KHDRBS2: variants seen among roughly 807,000 people sequenced by gnomAD.
KHDRBS2 encodes the protein KH domain-containing, RNA-binding, signal transduction-associated protein 2.
KHDRBS2 carries 26 observed loss-of-function variants against 44.3 expected under a neutral mutation model. The observed-to-expected ratio is 0.59, with a 90% CI of 0.43 to 0.81. The LOEUF (loss-of-function observed/expected upper bound fraction) is 0.81. Ranked by LOEUF, KHDRBS2 falls within the 40% of genes least tolerant of loss-of-function variation. The pLI is 0.00. For synonymous variants in KHDRBS2, 194 were observed against 151.1 expected (o/e 1.28, Z -2.08); for missense variants, 476 against 433.1 (o/e 1.10, Z -0.88).
At chr6:61,931,635 T>TAAA (rs1810071604) in intron 4 of KHDRBS2, among the ~76,000 whole-genome samples, 3 of 152,216 alleles carry the variant, frequency 2.0e-5, no homozygotes, top group Admixed American at 2.0e-4. Flanking sequence ...AGCCAATTTT[T>TAAA]AAAAATTGAC....
chr6:61,975,804 T>C (rs1321769138), intron 4 of KHDRBS2, among the ~76,000 whole-genome samples: 2 of 152,176 alleles, frequency 1.3e-5, no homozygotes, highest in Non-Finnish European at 2.9e-5. Context: ...ACGTTCAAAA[T>C]ATAGTAAGAC....
intron 4 of KHDRBS2, among the ~76,000 whole-genome samples, chr6:61,914,897 G>C (rs1806713531): frequency 6.6e-6 from 1 of 152,136 alleles, no homozygotes; most frequent in Non-Finnish European, 1.5e-5. Flanking sequence ...TTGAGAACTT[G>C]TCAGTTAAGA....
intron 3 of KHDRBS2, among the ~76,000 whole-genome samples, chr6:62,041,869 G>C (rs1786609675): frequency 6.6e-6 from 1 of 151,972 alleles, no homozygotes; most frequent in Non-Finnish European, 1.5e-5. Flanking sequence ...CTTGAGCCCA[G>C]ATAACTTTAT....
At chr6:62,216,339 A>G (rs1390856710) in intron 1 of KHDRBS2, among the ~76,000 whole-genome samples, 1 of 151,830 alleles carries the variant, frequency 6.6e-6, no homozygotes, top group Non-Finnish European at 1.5e-5. Context: ...ACACTTTTGC[A>G]TAAAACTAAT....
chr6:61,683,553 C>G (rs1434328885), intron 8 of KHDRBS2, among the ~76,000 whole-genome samples: 1 of 151,736 alleles, frequency 6.6e-6, no homozygotes, highest in African/African-American at 2.4e-5. Flanking sequence ...AAAACAGAAA[C>G]AGTTGAGCTA....
chr6:62,120,663 C>A (rs1807403776), intron 2 of KHDRBS2, among the ~76,000 whole-genome samples: 1 of 152,150 alleles, frequency 6.6e-6, no homozygotes. Context: ...AGGAAGCCTA[C>A]TGCATTCTTA....
chr6:61,740,189 A>T (rs1162362068), intron 6 of KHDRBS2, among the ~76,000 whole-genome samples: 1 of 151,930 alleles, frequency 6.6e-6, no homozygotes. Flanking sequence ...GTTGTTTGAG[A>T]TTGGTATTTC....
the KHDRBS2 span, chr6:61,574,537 C>T: frequency 1.8e-6 from 1 of 555,274 alleles, no homozygotes; most frequent in Non-Finnish European, 3.1e-6. Context: ...AACCCAACCT[C>T]CGAGCAACAT....
At chr6:61,943,039 GAA>G (rs1812465276) in intron 4 of KHDRBS2, among the ~76,000 whole-genome samples, 1 of 140,622 alleles carries the variant, frequency 7.1e-6, no homozygotes, top group South Asian at 2.2e-4. Flanking sequence ...AGGAAGGAAA[GAA>G]GGAAGGGAGG....
the KHDRBS2 span, among the ~76,000 whole-genome samples, chr6:61,552,670 C>A: frequency 5.9e-5 from 9 of 152,212 alleles, no homozygotes; most frequent in African/African-American, 2.2e-4. Context: ...GAGGCAGATT[C>A]CTCCAATGCC....
At chr6:62,035,449 T>C (rs1785110011) in intron 3 of KHDRBS2, among the ~76,000 whole-genome samples, 1 of 151,894 alleles carries the variant, frequency 6.6e-6, no homozygotes. Context: ...TGAAAACAAC[T>C]GAACTCATGG....
In KHDRBS2 at chr6:61,978,090, T is replaced by C; in HGVS notation, c.459A>G (p.Glu153=). ...EAYSRMSHAL[E]EIKKFLVPDY... Reference sequence around the variant, plus strand: ...CAGGAACCAGGAATTTTTTAATCTCTTCCAATGCATGACTCATACGTGAAT... The same window carrying C: ...CAGGAACCAGGAATTTTTTAATCTCCTCCAATGCATGACTCATACGTGAAT... The change falls in exon 4 of 9, where the codon GAA becomes GAG. Residue 153 remains glutamate, a synonymous_variant. Transcript: ENST00000281156. 6.2e-7 allele frequency: 1 copy of C among 1,603,690 alleles called. No individual in the cohort carries two copies. The highest frequency in any genetic ancestry group is 8.5e-7 in the Non-Finnish European group (1 of 1,175,636).
At chr6:62,192,311 T>C (rs1012190229) in intron 1 of KHDRBS2, among the ~76,000 whole-genome samples, 5 of 152,104 alleles carry the variant, frequency 3.3e-5, no homozygotes, top group African/African-American at 4.8e-5. Context: ...ATATGTCCTA[T>C]GTGTGTGTAA....
At chr6:62,191,780 G>A (rs560181481) in intron 1 of KHDRBS2, among the ~76,000 whole-genome samples, 1 of 151,878 alleles carries the variant, frequency 6.6e-6, no homozygotes, top group South Asian at 2.1e-4. Context: ...CACAAAACAT[G>A]GTACTAAACT....
At chr6:62,000,036 T>C (rs1158542166) in intron 3 of KHDRBS2, among the ~76,000 whole-genome samples, 1 of 152,162 alleles carries the variant, frequency 6.6e-6, no homozygotes, top group African/African-American at 2.4e-5. Flanking sequence ...TCTGTTATCA[T>C]ATCAGATAAT....
the KHDRBS2 span, among the ~76,000 whole-genome samples, chr6:61,550,134 A>G: frequency 6.6e-6 from 1 of 152,106 alleles, no homozygotes; most frequent in African/African-American, 2.4e-5. Context: ...TGGTGTACAG[A>G]TTATTTTGTC....
At chr6:61,988,426 ATCTTC>A (rs1320402274) in intron 3 of KHDRBS2, among the ~76,000 whole-genome samples, 1 of 152,178 alleles carries the variant, frequency 6.6e-6, no homozygotes, top group East Asian at 1.9e-4. Context: ...TATCTCAATG[ATCTTC>A]TCTTATCTTT....
the KHDRBS2 span, among the ~76,000 whole-genome samples, chr6:61,602,371 C>T: frequency 2.0e-5 from 3 of 152,154 alleles, no homozygotes; most frequent in African/African-American, 4.8e-5. Context: ...CAGGATCTTG[C>T]TACGAGTGCC....
At chr6:61,623,675 A>T in the KHDRBS2 span, among the ~76,000 whole-genome samples, 1 of 152,246 alleles carries the variant, frequency 6.6e-6, no homozygotes. Flanking sequence ...AAACATAAGC[A>T]GGTAGCCCTT....
Sources: allele counts gnomAD v4.1 joint callset (sites outside exome capture counted in the v4.1 genomes callset), GRCh38; gene constraint gnomAD v4.1.1; transcripts MANE v1.5; gene names NCBI Gene and HGNC (gene_info 2026-07-23, HGNC 2026-07-21).